Variants in KCNH5 observed in about 807,000 individuals in gnomAD.
The protein encoded by KCNH5 is voltage-gated delayed rectifier potassium channel KCNH5.
KCNH5 carries 46 observed loss-of-function variants against 96.1 expected under a neutral mutation model. The observed-to-expected ratio is 0.48, with a 90% CI of 0.38 to 0.61. The LOEUF is 0.61. Among genes scored for constraint, KCNH5 ranks in the 20% least tolerant of loss-of-function variants. The pLI is 0.00. For synonymous variants in KCNH5, 439 were observed against 449.8 expected, an observed-to-expected ratio of 0.98 and a Z score of 0.30; for missense variants, 907 against 1,225.8, an observed-to-expected ratio of 0.74 and a Z score of 3.88.
chr14:62,729,761 A>T (rs955454556), intron 10 of KCNH5, among the ~76,000 whole-genome samples: 4 of 152,150 alleles, frequency 2.6e-5, no homozygotes, highest in African/African-American at 9.7e-5. Context: ...TAGCTAAGGG[A>T]ACATGAGCAG....
intron 10 of KCNH5, among the ~76,000 whole-genome samples, chr14:62,723,053 G>T (rs1199587373): frequency 1.3e-5 from 2 of 152,140 alleles, no homozygotes; most frequent in East Asian, 3.9e-4. Flanking sequence ...TCTCACAGGT[G>T]GCTTTAGCTC....
Position 62,950,467 on chromosome 14 carries a change from TC to T in KCNH5, c.1034del (p.Gly345GlufsTer41). 6.2e-7 allele frequency: 1 copy of T among 1,613,202 alleles called. No homozygotes were observed. The highest frequency in any genetic ancestry group is 8.5e-7 in the Non-Finnish European group (1 of 1,179,910). ...ACACCAGGAGCACGAGGACTGCTGC[TC>T]CATATTCTAGGTAATGGTCCAGTTT... is the stretch of plus-strand genomic sequence containing the variant. ...ARKLDHYLEY[G>X]AAVLVLLVCV... is the part of the protein sequence containing the mutation. On this transcript the variant is annotated frameshift_variant, in exon 7 of 11. Transcript: ENST00000322893. LOFTEE classifies it high-confidence loss of function.
At chr14:62,776,999 C>A (rs1464895835) in intron 10 of KCNH5, among the ~76,000 whole-genome samples, 2 of 152,096 alleles carry the variant, frequency 1.3e-5, no homozygotes, top group Non-Finnish European at 2.9e-5. Context: ...AGGAACACAC[C>A]CTTAACCAAT....
At chr14:62,802,297 A>C (rs1263709863) in intron 9 of KCNH5, 32 bp downstream of exon 9, 2 of 1,598,190 alleles carry the variant, frequency 1.3e-6, no homozygotes, top group South Asian at 2.2e-5. Context: ...GTTACTACGC[A>C]TTTGCTACTA....
intron 7 of KCNH5, among the ~76,000 whole-genome samples, chr14:62,930,416 T>C (rs1595689013): frequency 6.6e-6 from 1 of 152,262 alleles, no homozygotes; most frequent in South Asian, 2.1e-4. Flanking sequence ...CAGCAGATCA[T>C]ACTGTATAAA....
chr14:62,980,323 T>C (rs978051301), intron 6 of KCNH5, among the ~76,000 whole-genome samples: 26 of 152,284 alleles, frequency 1.7e-4, no homozygotes, highest in African/African-American at 5.8e-4. Context: ...GAAACCAAAG[T>C]GGCAAAAATT....
chr14:62,821,823 C>A (rs1271966232), intron 8 of KCNH5, among the ~76,000 whole-genome samples: 1 of 152,044 alleles, frequency 6.6e-6, no homozygotes, highest in African/African-American at 2.4e-5. Flanking sequence ...TAATTCTATC[C>A]GTCTCAAATC....
intron 10 of KCNH5, chr14:62,712,646 T>C (rs577033674): frequency 2.6e-6 from 2 of 773,818 alleles, no homozygotes; most frequent in East Asian, 2.4e-5. Context: ...ATGGGTGAAG[T>C]AGGAAGTCGT....
At chr14:62,795,504 G>A (rs1886522360) in intron 9 of KCNH5, among the ~76,000 whole-genome samples, 1 of 152,106 alleles carries the variant, frequency 6.6e-6, no homozygotes, top group Admixed American at 6.6e-5. Flanking sequence ...ACCTAGAGAT[G>A]ATTTTAAATA....
chr14:62,710,249 T>A (rs1047984793), intron 10 of KCNH5, among the ~76,000 whole-genome samples: 2 of 152,238 alleles, frequency 1.3e-5, no homozygotes, highest in Non-Finnish European at 2.9e-5. Flanking sequence ...TATCGAGTGG[T>A]ACTAATTTGT....
rs545650866 is a variant in KCNH5 at position 62,871,526 on chromosome 14, T to C, written c.1370-21674A>G. Among the ~76,000 whole-genome samples, 5 of 152,350 alleles carry C rather than the reference T, an allele frequency of 3.3e-5. No individual in the cohort carries two copies. In the South Asian group the frequency reaches 1.0e-3, roughly 32 times the overall value. On this transcript the variant is annotated intron_variant, in intron 7 of 10. Transcript: ENST00000322893. Reference sequence around the variant, plus strand: ...GTGGAAAACAAGGAAATGTCTCATTTACAGTTTCATTTAGAGATATGTCTA... The same window carrying C: ...GTGGAAAACAAGGAAATGTCTCATTCACAGTTTCATTTAGAGATATGTCTA...
intron 10 of KCNH5, among the ~76,000 whole-genome samples, chr14:62,770,493 T>C (rs939973768): frequency 2.0e-5 from 3 of 152,228 alleles, no homozygotes; most frequent in Non-Finnish European, 2.9e-5. Flanking sequence ...CTGGCTTCAG[T>C]TGATCTCTAC....
intron 6 of KCNH5, among the ~76,000 whole-genome samples, chr14:62,956,752 G>C (rs550597336): frequency 6.6e-6 from 1 of 152,184 alleles, no homozygotes; most frequent in East Asian, 1.9e-4. Flanking sequence ...CTGTTGGCAA[G>C]TTTAATTTCA....
rs528662725 is a variant in KCNH5, at chr14:63,029,430, T to C, written c.74-12476A>G. 3.9e-5 allele frequency among the ~76,000 whole-genome samples: 6 copies of C among 152,288 alleles called. No individual in the cohort carries two copies. The South Asian group carries it at 1.2e-3, about 32-fold the overall frequency. On this transcript the variant is annotated intron_variant, in intron 1 of 10. Transcript: ENST00000322893. ...AATAAAGTAAGCAGTCTTTATAAAC[T>C]ATTAAAGCAAAAAGCATTTATAAGC...
intron 7 of KCNH5, among the ~76,000 whole-genome samples, chr14:62,943,458 G>T (rs140520652): frequency 6.6e-6 from 1 of 151,956 alleles, no homozygotes; most frequent in Non-Finnish European, 1.5e-5. Flanking sequence ...ATATTATTAG[G>T]GGCTCAATAA....
chr14:62,749,565 A>C (rs1191295419), intron 10 of KCNH5, among the ~76,000 whole-genome samples: 1 of 152,214 alleles, frequency 6.6e-6, no homozygotes, highest in East Asian at 1.9e-4. Flanking sequence ...TTCCATATTC[A>C]AGAAGTGTGT....
At chr14:62,795,577 A>G (rs1470859814) in intron 9 of KCNH5, among the ~76,000 whole-genome samples, 1 of 152,194 alleles carries the variant, frequency 6.6e-6, no homozygotes, top group Non-Finnish European at 1.5e-5. Flanking sequence ...GGACTTCAGC[A>G]TCCTCAGAGT....
chr14:62,850,493 C>T (rs1887782595), intron 7 of KCNH5, among the ~76,000 whole-genome samples: 1 of 152,034 alleles, frequency 6.6e-6, no homozygotes, highest in African/African-American at 2.4e-5. Flanking sequence ...GTAATTATTC[C>T]AGTGATTTTT....
Position 62,994,220 on chromosome 14 carries a change from T to C in KCNH5, c.434-7033A>G, listed in dbSNP as rs368679210. 9.9e-5 allele frequency among the ~76,000 whole-genome samples: 15 copies of C among 152,222 alleles called. No individual in the cohort carries two copies. In the East Asian group the frequency reaches 1.7e-3, roughly 18 times the overall value. Reference sequence around the variant, plus strand: ...GTTGTTTCCTCTCTAAAGAAAACCATTGGCTTCCACAAGGAGAAGCTTGCT... The same window carrying C: ...GTTGTTTCCTCTCTAAAGAAAACCACTGGCTTCCACAAGGAGAAGCTTGCT... On this transcript the variant is annotated intron_variant, in intron 4 of 10. Coordinates refer to ENST00000322893, the MANE Select transcript of KCNH5 (RefSeq NM_139318.5).
Sources: gnomAD v4.1 joint callset for allele counts (sites outside exome capture counted in the v4.1 genomes callset) on GRCh38, gnomAD v4.1.1 for gene constraint, MANE v1.5 for transcripts, NCBI Gene and HGNC (gene_info 2026-07-23, HGNC 2026-07-21) for gene names.